ME3: variants seen among roughly 807,000 people sequenced by gnomAD.
ME3 encodes NADP-dependent malic enzyme, mitochondrial.
ME3 carries 48 observed loss-of-function variants against 68.9 expected under a neutral mutation model. The observed-to-expected ratio is 0.70, with a 90% confidence interval of 0.55 to 0.89. ME3 has a LOEUF of 0.89. Ranked by LOEUF, ME3 falls within the 40% of genes least tolerant of loss-of-function variation. The pLI is 0.00. For synonymous variants in ME3, 320 were observed against 318.8 expected, an observed-to-expected ratio of 1.00 and a Z score of -0.04; for missense variants, 675 against 797.4, an observed-to-expected ratio of 0.85 and a Z score of 1.85.
intron 7 of ME3, among the ~76,000 whole-genome samples, chr11:86,475,874 T>TATAGAGAGAG: frequency 7.5e-4 from 69 of 91,472 alleles, no homozygotes; most frequent in African/African-American, 1.6e-3. Flanking sequence ...TATATATATA[T>TATAGAGAGAG]AGAGAGAGAG....
At chr11:86,600,488 C>T (rs1007913749) in intron 2 of ME3, among the ~76,000 whole-genome samples, 3 of 150,970 alleles carry the variant, frequency 2.0e-5, no homozygotes, top group Non-Finnish European at 4.4e-5. Context: ...CTTAGACTCC[C>T]ACACAATAAT....
chr11:86,660,270 G>T (rs1450016372), intron 2 of ME3, among the ~76,000 whole-genome samples: 1 of 152,272 alleles, frequency 6.6e-6, no homozygotes, highest in South Asian at 2.1e-4. Flanking sequence ...TCTCCTTCCG[G>T]ACTGGATGCT....
chr11:86,535,494 C>A (rs543835338), intron 4 of ME3, among the ~76,000 whole-genome samples: 16 of 152,302 alleles, frequency 1.1e-4, no homozygotes, highest in African/African-American at 3.8e-4. Flanking sequence ...CTATTGATTT[C>A]TCCCCAGCTG....
chr11:86,609,813 A>G (rs927550787), intron 2 of ME3, among the ~76,000 whole-genome samples: 6 of 152,234 alleles, frequency 3.9e-5, no homozygotes, highest in African/African-American at 1.4e-4. Flanking sequence ...GATGTGATGG[A>G]ATGCTAAATA....
intron 8 of ME3, among the ~76,000 whole-genome samples, chr11:86,456,484 G>C (rs367830281): frequency 6.6e-6 from 1 of 152,116 alleles, no homozygotes. Flanking sequence ...GACAGAGAAA[G>C]GTGGCTTGGC....
At chr11:86,479,235 C>T (rs531498041) in intron 7 of ME3, among the ~76,000 whole-genome samples, 2 of 152,326 alleles carry the variant, frequency 1.3e-5, no homozygotes, top group Non-Finnish European at 2.9e-5. Context: ...GGCCTTCTGA[C>T]TCCAGGATGT....
chr11:86,571,118 A>G (rs1957766878), intron 2 of ME3, among the ~76,000 whole-genome samples: 1 of 152,348 alleles, frequency 6.6e-6, no homozygotes, highest in South Asian at 2.1e-4. Context: ...ATTGCACTTC[A>G]TAGTCCCTTC....
In ME3 at chr11:86,659,217, GTTGT is replaced by G. The variant is rs1565288878; in HGVS notation, c.183+12541_183+12544del. ...ACAGATGCTTAGGTTTGCAACATAC[GTTGT>G]TTAATATTAAAGCACTTCATCTGCA... On this transcript the variant is annotated intron_variant, in intron 2 of 14. Transcript: ENST00000543262. Among the ~76,000 whole-genome samples the G allele has an allele frequency of 2.0e-5, 3 of 152,324 alleles. No individual in the cohort carries two copies. In the South Asian group the frequency reaches 6.2e-4, roughly 32 times the overall value.
At chr11:86,620,983 C>T (rs947482281) in intron 2 of ME3, among the ~76,000 whole-genome samples, 1 of 152,142 alleles carries the variant, frequency 6.6e-6, no homozygotes, top group Non-Finnish European at 1.5e-5. Context: ...TAATACAATA[C>T]AGCCCAGGTT....
intron 2 of ME3, among the ~76,000 whole-genome samples, chr11:86,625,038 C>T (rs920864217): frequency 1.2e-4 from 18 of 152,142 alleles, no homozygotes. Flanking sequence ...ACCATTTAGT[C>T]ATGTTCAAAT....
intron 4 of ME3, among the ~76,000 whole-genome samples, chr11:86,549,827 A>T (rs1482203937): frequency 6.6e-6 from 1 of 152,192 alleles, no homozygotes; most frequent in Non-Finnish European, 1.5e-5. Context: ...CCTGTGAATG[A>T]GATGAGGGGG....
downstream of ME3, among the ~76,000 whole-genome samples, chr11:86,440,792 A>G (rs188509166): frequency 3.6e-3 from 549 of 152,202 alleles, no homozygotes; most frequent in Middle Eastern, 0.014. Context: ...ACTCCCACCC[A>G]TCTTTTCCTC....
chr11:86,629,843 A>G (rs908207495), intron 2 of ME3, among the ~76,000 whole-genome samples: 1 of 152,240 alleles, frequency 6.6e-6, no homozygotes, highest in African/African-American at 2.4e-5. Flanking sequence ...CTAGCAGCTT[A>G]GATGGCTGAG....
intron 2 of ME3, among the ~76,000 whole-genome samples, chr11:86,621,770 G>A (rs1943364020): frequency 6.6e-6 from 1 of 151,854 alleles, no homozygotes; most frequent in South Asian, 2.1e-4. Flanking sequence ...AATTACAATC[G>A]AGGTTGGAAT....
chr11:86,455,933 C>T (rs950937566), intron 8 of ME3, among the ~76,000 whole-genome samples: 1 of 152,182 alleles, frequency 6.6e-6, no homozygotes, highest in Non-Finnish European at 1.5e-5. Context: ...TTGTATGACC[C>T]TCTTCTGAAA....
chr11:86,498,944 A>G (rs1952542528), intron 5 of ME3, among the ~76,000 whole-genome samples: 1 of 152,228 alleles, frequency 6.6e-6, no homozygotes, highest in Non-Finnish European at 1.5e-5. Context: ...ATGCATGGAC[A>G]CAGCCCTTAA....
At chr11:86,472,760 A>G (rs568580125) in intron 7 of ME3, among the ~76,000 whole-genome samples, 1 of 152,368 alleles carries the variant, frequency 6.6e-6, no homozygotes, top group Admixed American at 6.5e-5. Context: ...ATAGGCACTG[A>G]GTCCTCGGAG....
chr11:86,448,337 G>A, intron 10 of ME3, 82 bp from the exon 11 acceptor site: 2 of 1,024,310 alleles, frequency 2.0e-6, no homozygotes, highest in Non-Finnish European at 3.0e-6. Context: ...AACTCTGAGA[G>A]CGTTTCCTGC....
At chr11:86,571,930 G>A (rs562641936) in intron 2 of ME3, among the ~76,000 whole-genome samples, 1 of 152,374 alleles carries the variant, frequency 6.6e-6, no homozygotes, top group African/African-American at 2.4e-5. Context: ...GCTCCTCCAA[G>A]GAAGGGAAGT....
Sources: allele counts gnomAD v4.1 joint callset (sites outside exome capture counted in the v4.1 genomes callset), GRCh38; gene constraint gnomAD v4.1.1; transcripts MANE v1.5; gene names NCBI Gene and HGNC (gene_info 2026-07-23, HGNC 2026-07-21).